SNX10: variants seen among roughly 807,000 people sequenced by gnomAD.
SNX10 encodes the protein sorting nexin-10.
Under a neutral mutation model 28.5 loss-of-function variants are expected in SNX10, and 25 were observed. The ratio of observed to expected loss-of-function variants is 0.88; its 90% CI spans 0.64 to 1.22. The LOEUF is 1.22. Ranked by LOEUF, SNX10 falls within the 50% of genes most tolerant of loss-of-function variation. The pLI is 0.00. For synonymous variants in SNX10, 62 were observed against 81.4 expected (o/e 0.76, Z 1.28); for missense variants, 223 against 242.6 (o/e 0.92, Z 0.54).
intron 1 of SNX10, among the ~76,000 whole-genome samples, chr7:26,314,400 G>C (rs538232595): frequency 2.5e-4 from 38 of 152,148 alleles, no homozygotes; most frequent in African/African-American, 9.2e-4. Flanking sequence ...GATTACAGGC[G>C]TGTGTCACCA....
intron 1 of SNX10, among the ~76,000 whole-genome samples, chr7:26,317,659 CTTT>C (rs11310428): frequency 9.4e-5 from 10 of 106,200 alleles, no homozygotes; most frequent in East Asian, 6.0e-4. Flanking sequence ...CTTCTTTGAT[CTTT>C]TTTTTTTTTT....
chr7:26,293,362 C>T (rs895355899), intron 1 of SNX10, among the ~76,000 whole-genome samples: 7 of 152,026 alleles, frequency 4.6e-5, no homozygotes, highest in Non-Finnish European at 1.0e-4. Flanking sequence ...CACCACACCC[C>T]TGGCTAACTT....
At chr7:26,333,689 T>C (rs1423401022) in intron 1 of SNX10, among the ~76,000 whole-genome samples, 1 of 152,218 alleles carries the variant, frequency 6.6e-6, no homozygotes, top group Non-Finnish European at 1.5e-5. Flanking sequence ...TACTTCTTAC[T>C]CTTACCAGGT....
At chr7:26,326,766 A>G (rs966323328) in intron 1 of SNX10, among the ~76,000 whole-genome samples, 4 of 152,032 alleles carry the variant, frequency 2.6e-5, no homozygotes, top group Admixed American at 6.6e-5. Context: ...GGGTCTTGCT[A>G]TGTTACCCAG....
At chr7:26,365,218 T>C (rs1789243231) in intron 5 of SNX10, 73 bp downstream of exon 5, 2 of 855,372 alleles carry the variant, frequency 2.3e-6, no homozygotes, top group Admixed American at 3.9e-5. Context: ...CATGGTGGTG[T>C]GGGGAAGAGT....
chr7:26,296,200 G>T (rs1178506907), intron 1 of SNX10, among the ~76,000 whole-genome samples: 2 of 152,140 alleles, frequency 1.3e-5, no homozygotes, highest in East Asian at 3.8e-4. Flanking sequence ...TGCATAGTAT[G>T]TGGCTCACTG....
chr7:26,328,622 CTTCTGCT>C (rs1787601028), intron 1 of SNX10, among the ~76,000 whole-genome samples: 1 of 152,186 alleles, frequency 6.6e-6, no homozygotes, highest in Admixed American at 6.5e-5. Context: ...GAATCTGTGG[CTTCTGCT>C]AGGAAGCCAC....
At position 26,364,935 on chromosome 7, in the gene SNX10, T is replaced by C. The variant is rs76920133; in HGVS notation, c.213-112T>C. 1.1e-3 allele frequency: 733 copies of C among 650,960 alleles called. 6 individuals carry two copies. The African/African-American group carries it at 0.012, about 11-fold the overall frequency. 40.3% of individuals were successfully genotyped at this position (650,960 alleles called of 1,614,324 possible). ...ATAATGTATAATCATAATTATAGAA[T>C]AACTGTGTGATAATAATCATCATAC... On this transcript the variant is annotated intron_variant, in intron 4 of 6. Transcript: ENST00000338523. This position sits in a 1 kb window ranked among gnomAD's most constrained non-coding sequence, Gnocchi z 4.9.
chr7:26,340,918 C>T (rs1312981196), intron 1 of SNX10, among the ~76,000 whole-genome samples: 3 of 152,170 alleles, frequency 2.0e-5, no homozygotes, highest in Non-Finnish European at 4.4e-5. Context: ...TGTGCACCAC[C>T]ATCCCTGGCT....
chr7:26,331,504 T>C (rs2128004863), intron 1 of SNX10, among the ~76,000 whole-genome samples: 1 of 152,254 alleles, frequency 6.6e-6, no homozygotes, highest in African/African-American at 2.4e-5. Context: ...GTGGATCACT[T>C]GGGCCTGGGA....
intron 5 of SNX10, among the ~76,000 whole-genome samples, chr7:26,369,459 T>A (rs181065660): frequency 6.6e-6 from 1 of 152,342 alleles, no homozygotes. Flanking sequence ...AATTTCAGAA[T>A]GAACTATCTG....
At chr7:26,331,770 C>A (rs745359335) in intron 1 of SNX10, among the ~76,000 whole-genome samples, 2 of 152,140 alleles carry the variant, frequency 1.3e-5, no homozygotes. Context: ...CTCCCAGTCC[C>A]AGTCCCAGTA....
At chr7:26,303,343 C>A (rs1325822290) in intron 1 of SNX10, among the ~76,000 whole-genome samples, 2 of 152,192 alleles carry the variant, frequency 1.3e-5, no homozygotes, top group Non-Finnish European at 2.9e-5. Flanking sequence ...ACTTTCACTC[C>A]TCTCCCAAGG....
At chr7:26,335,456 G>A (rs999308029) in intron 1 of SNX10, among the ~76,000 whole-genome samples, 5 of 152,248 alleles carry the variant, frequency 3.3e-5, no homozygotes, top group Admixed American at 3.3e-4. Flanking sequence ...TGTGCCCTAG[G>A]TACCCTCTAG....
In SNX10 at chr7:26,321,239, A is replaced by T. The variant is rs529346152; in HGVS notation, c.-23-25181A>T. Among the ~76,000 whole-genome samples, 7 of 152,242 alleles carry T rather than the reference A, an allele frequency of 4.6e-5. No individual in the cohort carries two copies. In the East Asian group the frequency reaches 1.3e-3, roughly 29 times the overall value. Reference sequence around the variant, plus strand: ...CCCGGTGTGTAGGCAGAGTTATTTGATGGGGATGACAATTTCTGCCTATTT... The same window carrying T: ...CCCGGTGTGTAGGCAGAGTTATTTGTTGGGGATGACAATTTCTGCCTATTT... On this transcript the variant is annotated intron_variant, in intron 1 of 6. Coordinates refer to ENST00000338523, the MANE Select transcript of SNX10 (RefSeq NM_013322.3).
intron 1 of SNX10, among the ~76,000 whole-genome samples, chr7:26,310,704 CAG>C (rs1786793632): frequency 6.8e-6 from 1 of 147,692 alleles, no homozygotes. Flanking sequence ...TTTTTTGAGA[CAG>C]AGTCTCGCTC....
rs191429954 is a variant in SNX10, at chr7:26,356,517, T to C, written c.25-4458T>C. On this transcript the variant is annotated intron_variant, in intron 2 of 6. Transcript: ENST00000338523. ...AGATTAGAGGTGAACCTTGGCTTCC[T>C]GGGTGTGCTATTTGTAGCTGAGAGT... Among the ~76,000 whole-genome samples the C allele has an allele frequency of 5.1e-4, 78 of 152,318 alleles. 1 individual carries two copies. In the East Asian group the frequency reaches 0.014, roughly 28 times the overall value.
chr7:26,297,925 A>G (rs537935319), intron 1 of SNX10, among the ~76,000 whole-genome samples: 1 of 152,306 alleles, frequency 6.6e-6, no homozygotes, highest in South Asian at 2.1e-4. Flanking sequence ...AATACCATAA[A>G]CAAAGTTAAA....
chr7:26,342,103 T>C (rs1212359313), intron 1 of SNX10, among the ~76,000 whole-genome samples: 1 of 150,126 alleles, frequency 6.7e-6, no homozygotes, highest in Non-Finnish European at 1.5e-5. Context: ...CTTGGCTCAC[T>C]GCAACCTGCA....
Sources: allele counts gnomAD v4.1 joint callset (sites outside exome capture counted in the v4.1 genomes callset), GRCh38; gene constraint gnomAD v4.1.1; non-coding constraint Gnocchi (gnomAD v3.1); transcripts MANE v1.5; gene names NCBI Gene and HGNC (gene_info 2026-07-23, HGNC 2026-07-21).